BRD4: variants seen among roughly 807,000 people sequenced by gnomAD.
BRD4 encodes the protein bromodomain-containing protein 4.
BRD4 carries 16 observed loss-of-function variants against 142.1 expected under a neutral mutation model. The observed-to-expected ratio is 0.11, with a 90% CI of 0.08 to 0.17. BRD4 has a LOEUF of 0.17. Among genes scored for constraint, BRD4 ranks in the 10% least tolerant of loss-of-function variants. BRD4 has a pLI of 1.00. For synonymous variants in BRD4, 833 were observed against 707.5 expected (o/e 1.18, Z -2.82); for missense variants, 1,424 against 1,810.9 (o/e 0.79, Z 3.88).
chr19:15,323,166 A>G (rs2048078338), intron 1 of BRD4, among the ~76,000 whole-genome samples: 1 of 126,100 alleles, frequency 7.9e-6, no homozygotes, highest in Non-Finnish European at 1.6e-5. Context: ...ACACAGCAAG[A>G]CTCCATCTCT....
chr19:15,317,514 G>A (rs972411075), intron 1 of BRD4, among the ~76,000 whole-genome samples: 6 of 152,128 alleles, frequency 3.9e-5, no homozygotes, highest in African/African-American at 1.4e-4. Context: ...TTACAGGGAA[G>A]CCTATTCATA....
At chr19:15,317,604 G>C (rs1346483514) in intron 1 of BRD4, among the ~76,000 whole-genome samples, 1 of 152,098 alleles carries the variant, frequency 6.6e-6, no homozygotes, top group Non-Finnish European at 1.5e-5. Context: ...ATGGGAGTGG[G>C]GGGTGGTGGG....
intron 1 of BRD4, among the ~76,000 whole-genome samples, chr19:15,325,227 A>T (rs2048097206): frequency 6.6e-6 from 1 of 152,258 alleles, no homozygotes. Context: ...GCTGAGTGAC[A>T]GAATGAATGT....
intron 1 of BRD4, among the ~76,000 whole-genome samples, chr19:15,329,077 C>T (rs2048134616): frequency 6.6e-6 from 1 of 150,996 alleles, no homozygotes; most frequent in South Asian, 2.1e-4. Flanking sequence ...CCGGCGCATT[C>T]TGCTTTTTTT....
At chr19:15,297,697 C>A (rs1213034204) in intron 1 of BRD4, among the ~76,000 whole-genome samples, 4 of 152,210 alleles carry the variant, frequency 2.6e-5, no homozygotes, top group Non-Finnish European at 5.9e-5. Context: ...AGATGCCCCA[C>A]CTGCTGGCAA....
At chr19:15,287,287 T>C (rs1239558188) in intron 1 of BRD4, among the ~76,000 whole-genome samples, 1 of 152,192 alleles carries the variant, frequency 6.6e-6, no homozygotes, top group African/African-American at 2.4e-5. Flanking sequence ...CTTATTTTTA[T>C]TATGGTAAAA....
intron 1 of BRD4, among the ~76,000 whole-genome samples, chr19:15,279,151 G>A (rs1052355801): frequency 6.6e-5 from 10 of 152,172 alleles, no homozygotes; most frequent in African/African-American, 2.4e-4. Flanking sequence ...AAGCATGCCT[G>A]TTTTCAAAGA....
In BRD4 at chr19:15,312,703, AG is replaced by A. The variant is rs1290483373; in HGVS notation, c.-35+19586del. The stretch of plus-strand genomic sequence containing the variant: ...GCAATCCTAGAACTTTGGGAGGCTG[AG>A]GTAGGTGAACCACCTGAGGTCAGGA... On this transcript the variant is annotated intron_variant, in intron 1 of 19. Transcript: ENST00000679869. Among the ~76,000 whole-genome samples, 104 of 152,096 alleles carry A rather than the reference AG, an allele frequency of 6.8e-4. 1 individual carries two copies. Among genetic ancestry groups the A allele is most frequent in the Non-Finnish European group, 1.0e-4 (7 of 67,998 alleles).
intron 1 of BRD4, among the ~76,000 whole-genome samples, chr19:15,278,105 C>CAAAAAAAAAAAAAAAAAAAAAAA (rs59204229): frequency 1.8e-5 from 1 of 55,028 alleles, no homozygotes; most frequent in Non-Finnish European, 3.2e-5. Flanking sequence ...GACTCCGTCT[C>CAAAAAAAAAAAAAAAAAAAAAAA]AAAAAAAAAA....
intron 1 of BRD4, among the ~76,000 whole-genome samples, chr19:15,293,376 C>A (rs948697252): frequency 5.3e-5 from 8 of 152,070 alleles, no homozygotes; most frequent in African/African-American, 1.7e-4. Context: ...TCCCAGGACA[C>A]CAGATCATAA....
intron 14 of BRD4, among the ~76,000 whole-genome samples, chr19:15,240,275 G>A (rs1026574337): frequency 6.6e-6 from 1 of 152,202 alleles, no homozygotes; most frequent in Non-Finnish European, 1.5e-5. Context: ...AACTCAGTGT[G>A]CAGCAGAGCT....
rs200327440 is a variant in BRD4 at position 15,239,868 on chromosome 19, C to T, written c.3282+42G>A. The T allele has an allele frequency of 5.1e-5, 83 of 1,613,958 alleles. No individual in the cohort carries two copies. The highest frequency in any genetic ancestry group is 4.5e-5 in the East Asian group (2 of 44,866). Reference sequence around the variant, plus strand: ...GGCCGGTGAGGTGGGCAGGCACCCCCGGCCCTAGCCCACAGGACTATGGCC... The same window carrying T: ...GGCCGGTGAGGTGGGCAGGCACCCCTGGCCCTAGCCCACAGGACTATGGCC... On this transcript the variant is annotated intron_variant, in intron 15 of 19. Transcript: ENST00000679869. The surrounding 1 kb of genome is among the most constrained non-coding windows in gnomAD (Gnocchi z 7.4).
Position 15,238,278 on chromosome 19 carries a change from C to T in BRD4, c.*99G>A. On this transcript the variant is annotated 3_prime_UTR_variant, in exon 20 of 20. Transcript: ENST00000679869. This position sits in a 1 kb window ranked among gnomAD's most constrained non-coding sequence, Gnocchi z 7.2. ...CATGCAGGAGGGCCAGGCCCTGAGG[C>T]ATCCCCTGGCCGCTGATCCCACCTC... The T allele has an allele frequency of 6.4e-7, 1 of 1,566,154 alleles. No homozygotes were observed. The highest frequency in any genetic ancestry group is 8.7e-7 in the Non-Finnish European group (1 of 1,153,128).
chr19:15,319,669 CGCCT>C (rs1462457866), intron 1 of BRD4, among the ~76,000 whole-genome samples: 1 of 151,904 alleles, frequency 6.6e-6, no homozygotes, highest in Non-Finnish European at 1.5e-5. Context: ...GAAGTGGCTC[CGCCT>C]GTAATCCCAG....
At chr19:15,290,745 G>T (rs567375393) in intron 1 of BRD4, among the ~76,000 whole-genome samples, 133 of 152,240 alleles carry the variant, frequency 8.7e-4, no homozygotes, top group Non-Finnish European at 1.5e-3. Context: ...CATGTTTCCA[G>T]TGTGTTCCAT....
chr19:15,296,272 T>A (rs1169993998), intron 1 of BRD4, among the ~76,000 whole-genome samples: 1 of 151,712 alleles, frequency 6.6e-6, no homozygotes, highest in Non-Finnish European at 1.5e-5. Flanking sequence ...AAAAAAAGAA[T>A]CCCGAAGACT....
intron 1 of BRD4, among the ~76,000 whole-genome samples, chr19:15,302,111 G>T (rs1240491140): frequency 6.6e-6 from 1 of 151,480 alleles, no homozygotes; most frequent in African/African-American, 2.4e-5. Flanking sequence ...AGGTTGCAGT[G>T]AGCCAAGATT....
intron 1 of BRD4, among the ~76,000 whole-genome samples, chr19:15,297,419 G>C (rs1302134416): frequency 6.6e-6 from 1 of 152,166 alleles, no homozygotes; most frequent in East Asian, 1.9e-4. Context: ...ACACGATACA[G>C]AGAAGCACTG....
In BRD4 at chr19:15,332,301, G is replaced by C. The variant is rs1026312830; in HGVS notation, c.-46C>G. 3 of 146,856 alleles carry C rather than the reference G, an allele frequency of 2.0e-5. No individual in the cohort carries two copies. The highest frequency in any genetic ancestry group is 4.6e-5 in the Non-Finnish European group (3 of 65,724). 9.1% of individuals were successfully genotyped at this position (146,856 alleles called of 1,614,324 possible). A position where few individuals can be genotyped will look rare whatever the true frequency, so the allele number is the denominator to read the frequency against. ...GCACCAGTCCTCACCTGAGACGCTA[G>C]GCCGCACGCCGCCCCCGCCGGCCGT... On this transcript the variant is annotated 5_prime_UTR_variant, in exon 1 of 20. Coordinates refer to ENST00000679869, the MANE Select transcript of BRD4 (RefSeq NM_001379291.1).
Sources: allele counts gnomAD v4.1 joint callset (sites outside exome capture counted in the v4.1 genomes callset), GRCh38; gene constraint gnomAD v4.1.1; non-coding constraint Gnocchi (gnomAD v3.1); transcripts MANE v1.5; gene names NCBI Gene and HGNC (gene_info 2026-07-23, HGNC 2026-07-21).